Variants in TIAM1 observed in about 807,000 individuals in gnomAD.
The protein encoded by TIAM1 is rho guanine nucleotide exchange factor TIAM1.
Under a neutral mutation model 163.5 loss-of-function variants are expected in TIAM1, and 65 were observed. The observed-to-expected ratio is 0.40, with a 90% CI of 0.33 to 0.49. The LOEUF (loss-of-function observed/expected upper bound fraction) is 0.49. Among genes scored for constraint, TIAM1 ranks in the 20% least tolerant of loss-of-function variants. The pLI, the probability that TIAM1 is intolerant of heterozygous loss-of-function variation, is 0.77. For synonymous variants in TIAM1, 833 were observed against 810.1 expected, an observed-to-expected ratio of 1.03 and a Z score of -0.48; for missense variants, 1,789 against 2,044.7, an observed-to-expected ratio of 0.87 and a Z score of 2.41.
chr21:31,210,707 GAAA>G (rs2086793192), intron 10 of TIAM1, among the ~76,000 whole-genome samples: 1 of 102,104 alleles, frequency 9.8e-6, no homozygotes, highest in African/African-American at 5.7e-5. Context: ...GAAAGAAAGA[GAAA>G]GAAAGAGAAA....
intron 1 of TIAM1, among the ~76,000 whole-genome samples, chr21:31,481,188 T>A (rs558267377): frequency 5.0e-4 from 76 of 152,310 alleles, no homozygotes; most frequent in African/African-American, 1.5e-3. Context: ...CACATGGCCT[T>A]TCCTCTGTAC....
chr21:31,462,749 GT>G (rs1225762072), intron 2 of TIAM1, among the ~76,000 whole-genome samples: 2 of 21,140 alleles, frequency 9.5e-5, no homozygotes, highest in East Asian at 0.012. Flanking sequence ...TTTTTTTTTT[GT>G]TTTTTTTTTT....
At chr21:31,203,720 G>A (rs1446523386) in intron 11 of TIAM1, among the ~76,000 whole-genome samples, 1 of 152,214 alleles carries the variant, frequency 6.6e-6, no homozygotes. Context: ...AGAAAATACT[G>A]TATTTACAAT....
chr21:31,231,728 G>C (rs959996298), intron 6 of TIAM1, among the ~76,000 whole-genome samples: 1 of 152,062 alleles, frequency 6.6e-6, no homozygotes, highest in Non-Finnish European at 1.5e-5. Flanking sequence ...ATGAAAAAGA[G>C]TTATGGGCCA....
At chr21:31,137,082 G>A (rs116425418) in intron 22 of TIAM1, among the ~76,000 whole-genome samples, 1,839 of 152,354 alleles carry the variant, frequency 0.012, 41 homozygotes, top group African/African-American at 0.042. Context: ...TCTGATGCAA[G>A]TTCAACGTCT....
intron 2 of TIAM1, chr21:31,463,911 C>T (rs923990149): frequency 3.3e-5 from 5 of 151,938 alleles, no homozygotes; most frequent in Non-Finnish European, 7.4e-5. Context: ...AATTTATTCA[C>T]ATACCCTTGA....
chr21:31,253,613 A>G (rs1298786201), intron 4 of TIAM1, among the ~76,000 whole-genome samples: 1 of 152,222 alleles, frequency 6.6e-6, no homozygotes, highest in Non-Finnish European at 1.5e-5. Flanking sequence ...TGGTGGGAGT[A>G]GAATGGCAGC....
intron 2 of TIAM1, among the ~76,000 whole-genome samples, chr21:31,425,758 G>A (rs1162927157): frequency 2.0e-5 from 3 of 150,980 alleles, no homozygotes; most frequent in African/African-American, 7.3e-5. Flanking sequence ...TTGCAATGGC[G>A]AGATCTCAGC....
chr21:31,376,605 TGCCCACTG>T (rs2076692053), intron 2 of TIAM1, among the ~76,000 whole-genome samples: 1 of 152,228 alleles, frequency 6.6e-6, no homozygotes, highest in Non-Finnish European at 1.5e-5. Flanking sequence ...GAGGAGGAGA[TGCCCACTG>T]AAAGGACTTG....
intron 1 of TIAM1, among the ~76,000 whole-genome samples, chr21:31,531,719 A>G (rs1412757209): frequency 6.6e-6 from 1 of 151,446 alleles, no homozygotes; most frequent in Admixed American, 6.6e-5. Flanking sequence ...ATTAAAAACC[A>G]CTAAACTGAA....
intron 20 of TIAM1, among the ~76,000 whole-genome samples, chr21:31,142,774 G>T (rs149008419): frequency 5.3e-5 from 8 of 152,278 alleles, no homozygotes; most frequent in South Asian, 4.1e-4. Context: ...TTAACTCGGT[G>T]GCACCACCTG....
intron 2 of TIAM1, among the ~76,000 whole-genome samples, chr21:31,277,406 G>A (rs2073345025): frequency 1.3e-5 from 2 of 152,376 alleles, no homozygotes; most frequent in East Asian, 3.9e-4. Flanking sequence ...AGCACTTTGG[G>A]AGGCCAAGGC....
At chr21:31,416,446 T>A (rs35228755) in intron 2 of TIAM1, among the ~76,000 whole-genome samples, 5,639 of 152,212 alleles carry the variant, frequency 0.037, 179 homozygotes, top group East Asian at 0.11. Context: ...CTGTACCCCA[T>A]ATGTAGTCTT....
intron 3 of TIAM1, among the ~76,000 whole-genome samples, chr21:31,271,572 C>T (rs1043775071): frequency 6.6e-6 from 1 of 152,200 alleles, no homozygotes; most frequent in Non-Finnish European, 1.5e-5. Flanking sequence ...ACCCCCAATT[C>T]TTCCTGGGGA....
intron 1 of TIAM1, among the ~76,000 whole-genome samples, chr21:31,552,565 G>A (rs973395872): frequency 2.6e-5 from 4 of 152,100 alleles, no homozygotes; most frequent in African/African-American, 7.2e-5. Flanking sequence ...CCTGAGGTCA[G>A]GAGTTCGAGA....
rs1569068744 is a variant in TIAM1 at position 31,228,236 on chromosome 21, A to T, written c.1585-2286T>A. On this transcript the variant is annotated intron_variant, in intron 6 of 27. Transcript: ENST00000541036. ...TCCTTTTTTTAAAAAAAAAAAAAAA[A>T]AAAAAAAAAAAAAAAAAAAAAAAGG... Among the ~76,000 whole-genome samples, 10 of 45,966 alleles carry T rather than the reference A, an allele frequency of 2.2e-4. No homozygotes were observed. The East Asian group carries it at 4.2e-3, about 19-fold the overall frequency. 30.2% of individuals were successfully genotyped at this position (45,966 alleles called of 152,430 possible). A position where few individuals can be genotyped will look rare whatever the true frequency, so the allele number is the denominator to read the frequency against.
intron 2 of TIAM1, among the ~76,000 whole-genome samples, chr21:31,425,951 T>C (rs1431613766): frequency 6.6e-6 from 1 of 152,154 alleles, no homozygotes; most frequent in Non-Finnish European, 1.5e-5. Flanking sequence ...CAGGCTGGTC[T>C]CAAACTCCTG....
At chr21:31,386,668 G>C (rs955891571) in intron 2 of TIAM1, among the ~76,000 whole-genome samples, 17 of 152,158 alleles carry the variant, frequency 1.1e-4, no homozygotes, top group African/African-American at 4.1e-4. Flanking sequence ...TTGTGCCTGT[G>C]CAAGTGTCCA....
intron 16 of TIAM1, among the ~76,000 whole-genome samples, chr21:31,157,297 T>C (rs2146337645): frequency 6.6e-6 from 1 of 152,248 alleles, no homozygotes; most frequent in East Asian, 1.9e-4. Flanking sequence ...GTCATAGCGG[T>C]AGTGTGTTAA....
Sources: gnomAD v4.1 joint callset for allele counts (sites outside exome capture counted in the v4.1 genomes callset) on GRCh38, gnomAD v4.1.1 for gene constraint, MANE v1.5 for transcripts, NCBI Gene and HGNC (gene_info 2026-07-23, HGNC 2026-07-21) for gene names.